Variants in TRAPPC9 observed in about 807,000 individuals in gnomAD.
The protein encoded by TRAPPC9 is trafficking protein particle complex subunit 9.
In TRAPPC9, 83 loss-of-function variants were observed where a neutral mutation model predicts 124.0. That is an observed-to-expected ratio of 0.67 (90% CI 0.56 to 0.80). TRAPPC9 has a LOEUF of 0.80. TRAPPC9 is among the 30% of genes least tolerant of loss of function. The probability of loss-of-function intolerance (pLI) is 0.00; values close to 1 mark genes in which losing one functional copy is unlikely to be tolerated. For missense variants in TRAPPC9, 1,302 were observed against 1,508.3 expected (o/e 0.86, Z 2.27); for synonymous variants, 638 against 617.5 (o/e 1.03, Z -0.49).
At position 140,451,145 on chromosome 8, in the gene TRAPPC9, C is replaced by A; in HGVS notation, c.229G>T (p.Val77Phe). 6.2e-7 allele frequency: 1 copy of A among 1,614,034 alleles called. No homozygotes were observed. Among genetic ancestry groups the A allele is most frequent in the South Asian group, 1.1e-5 (1 of 91,062 alleles). Residue 77 changes from valine (V) to phenylalanine (F), a missense_variant, in exon 2 of 23, where the codon GTC becomes TTC. This residue lies in a region of TRAPPC9 where 657 missense variants were observed against 811.2 expected (regional missense o/e 0.81). Transcript: ENST00000438773. ...TCTGTGATGGTGATGAGGCCCACGACTTTGCGGTGGGTCTGGAAGTCACCC... is the reference window on the plus strand; with the variant it reads ...TCTGTGATGGTGATGAGGCCCACGAATTTGCGGTGGGTCTGGAAGTCACCC... ...EWGDFQTHRK[V>F]VGLITITDCF... is the part of the protein sequence containing the mutation.
chr8:140,173,483 C>T (rs976387463), intron 17 of TRAPPC9, among the ~76,000 whole-genome samples: 2 of 145,494 alleles, frequency 1.4e-5, no homozygotes, highest in East Asian at 4.2e-4. Flanking sequence ...GAACCCAGGA[C>T]GTGGAGCGTG....
chr8:140,333,373 A>G (rs1442313909), intron 9 of TRAPPC9, among the ~76,000 whole-genome samples: 1 of 152,162 alleles, frequency 6.6e-6, no homozygotes, highest in East Asian at 1.9e-4. Context: ...ATATAGATAT[A>G]GATACATAGG....
At chr8:140,051,551 C>A (rs1010153859) in intron 17 of TRAPPC9, among the ~76,000 whole-genome samples, 2 of 151,628 alleles carry the variant, frequency 1.3e-5, no homozygotes, top group Non-Finnish European at 2.9e-5. Flanking sequence ...CCCCATGGCA[C>A]CCACACAGGA....
At chr8:140,299,914 A>G (rs989302050) in intron 11 of TRAPPC9, among the ~76,000 whole-genome samples, 1 of 152,088 alleles carries the variant, frequency 6.6e-6, no homozygotes, top group African/African-American at 2.4e-5. Flanking sequence ...CTCACCCTCC[A>G]CTCAGTCCTG....
chr8:139,883,276 T>C (rs1341703397), intron 21 of TRAPPC9, among the ~76,000 whole-genome samples: 2 of 152,222 alleles, frequency 1.3e-5, no homozygotes, highest in South Asian at 2.1e-4. Flanking sequence ...TCGCCAGACA[T>C]AGCTCCTTGA....
intron 7 of TRAPPC9, among the ~76,000 whole-genome samples, chr8:140,373,942 G>T (rs975621063): frequency 6.6e-6 from 1 of 152,166 alleles, no homozygotes; most frequent in African/African-American, 2.4e-5. Context: ...TATGTGTTTT[G>T]CAAATATTTC....
At chr8:140,222,348 C>T (rs929837975) in intron 16 of TRAPPC9, among the ~76,000 whole-genome samples, 13 of 152,186 alleles carry the variant, frequency 8.5e-5, no homozygotes, top group Non-Finnish European at 1.5e-5. Context: ...GTCTAACCCA[C>T]GAATCATCTT....
chr8:139,992,753 A>C (rs1026762030), intron 18 of TRAPPC9, among the ~76,000 whole-genome samples: 1 of 151,634 alleles, frequency 6.6e-6, no homozygotes, highest in African/African-American at 2.4e-5. Flanking sequence ...GCTACAAAGC[A>C]GACCCATGAA....
chr8:140,380,830 A>T (rs1011770902), intron 7 of TRAPPC9, among the ~76,000 whole-genome samples: 5 of 152,032 alleles, frequency 3.3e-5, no homozygotes, highest in African/African-American at 1.2e-4. Context: ...AATATATAAC[A>T]CCAAAAACAC....
intron 17 of TRAPPC9, among the ~76,000 whole-genome samples, chr8:140,168,334 T>C (rs974350977): frequency 6.6e-6 from 1 of 151,422 alleles, no homozygotes; most frequent in African/African-American, 2.4e-5. Context: ...CACAATGTTA[T>C]GCAACCACCT....
At chr8:139,879,922 C>G (rs533270872) in intron 21 of TRAPPC9, among the ~76,000 whole-genome samples, 1 of 152,294 alleles carries the variant, frequency 6.6e-6, no homozygotes, top group African/African-American at 2.4e-5. Flanking sequence ...CTTGGCAAAA[C>G]ACAGCAAACT....
At chr8:139,876,202 AGCACCAGGAC>A (rs1829310578) in intron 21 of TRAPPC9, among the ~76,000 whole-genome samples, 1 of 152,194 alleles carries the variant, frequency 6.6e-6, no homozygotes, top group Admixed American at 6.5e-5. Context: ...AGCCCCAGAA[AGCACCAGGAC>A]GCAGCTCAGC....
At chr8:140,404,000 G>T (rs1029082868) in intron 6 of TRAPPC9, among the ~76,000 whole-genome samples, 2 of 151,982 alleles carry the variant, frequency 1.3e-5, no homozygotes, top group African/African-American at 4.8e-5. Flanking sequence ...TCAACTTCTA[G>T]GAATTGTTCC....
chr8:140,015,185 G>T (rs1195273423), intron 18 of TRAPPC9, among the ~76,000 whole-genome samples: 1 of 147,128 alleles, frequency 6.8e-6, no homozygotes, highest in African/African-American at 2.5e-5. Context: ...CATGTATGTG[G>T]CCATCTTCAT....
intron 18 of TRAPPC9, among the ~76,000 whole-genome samples, chr8:140,003,110 A>G (rs4529447): frequency 0.026 from 3,988 of 152,262 alleles, 134 homozygotes; most frequent in African/African-American, 0.09. Context: ...CATACCAGAT[A>G]AAGGACTTGT....
intron 17 of TRAPPC9, among the ~76,000 whole-genome samples, chr8:140,162,219 G>A (rs1239658695): frequency 6.6e-6 from 1 of 152,110 alleles, no homozygotes; most frequent in Non-Finnish European, 1.5e-5. Flanking sequence ...GACAGCCACA[G>A]CCTGCCACCC....
At position 140,357,530 on chromosome 8, in the gene TRAPPC9, C is replaced by G. The variant is rs577346353; in HGVS notation, c.1495+2520G>C. The stretch of plus-strand genomic sequence containing the variant: ...GCACCCGAGATTCTAAGCCCCTACA[C>G]AGAGTCCAGGCACTACCTCTTTAGA... On this transcript the variant is annotated intron_variant, in intron 9 of 22. Coordinates refer to ENST00000438773, the MANE Select transcript of TRAPPC9 (RefSeq NM_001160372.4). 2.0e-5 allele frequency among the ~76,000 whole-genome samples: 3 copies of G among 152,088 alleles called. No individual in the cohort carries two copies. The South Asian group carries it at 6.2e-4, about 32-fold the overall frequency.
chr8:140,368,276 G>T (rs2068179504), intron 8 of TRAPPC9, among the ~76,000 whole-genome samples: 1 of 152,114 alleles, frequency 6.6e-6, no homozygotes, highest in Non-Finnish European at 1.5e-5. Flanking sequence ...ATTCCGCAGG[G>T]ACGTCTTGGT....
intron 15 of TRAPPC9, among the ~76,000 whole-genome samples, chr8:140,269,547 TAAAATAAAATAAATAAATAAA>T (rs941601604): frequency 6.9e-5 from 9 of 131,024 alleles, no homozygotes; most frequent in Admixed American, 1.6e-4. Flanking sequence ...TCTCAAAAAA[TAAAATAAAATAAATAAATAAA>T]TAAATAAATA....
Sources: allele counts gnomAD v4.1 joint callset (sites outside exome capture counted in the v4.1 genomes callset), GRCh38; gene constraint gnomAD v4.1.1; regional missense constraint gnomAD v4.1.1; transcripts MANE v1.5; gene names NCBI Gene and HGNC (gene_info 2026-07-23, HGNC 2026-07-21).